The following RNF138 variants were observed in gnomAD, a reference collection of about 807,000 sequenced individuals.
RNF138 encodes ring finger protein 138.
A neutral mutation model predicts 31.0 loss-of-function variants in RNF138; 12 were observed. The ratio of observed to expected loss-of-function variants is 0.39; its 90% CI spans 0.25 to 0.63. The LOEUF is 0.63. Among genes scored for constraint, RNF138 ranks in the 20% least tolerant of loss-of-function variants. The pLI, the probability that RNF138 is intolerant of heterozygous loss-of-function variation, is 0.52. For synonymous variants in RNF138, 105 were observed against 99.5 expected (o/e 1.06, Z -0.33); for missense variants, 192 against 300.1 (o/e 0.64, Z 2.66).
chr18:32,127,346 G>A (rs912735962), intron 7 of RNF138, among the ~76,000 whole-genome samples: 1 of 152,142 alleles, frequency 6.6e-6, no homozygotes, highest in Non-Finnish European at 1.5e-5. Context: ...ACTTCTAAAT[G>A]TGTGATATAC....
rs2040434756 is a variant in RNF138 at position 32,129,259 on chromosome 18, G to A, written c.*72G>A. 13 of 974,522 alleles carry A rather than the reference G, an allele frequency of 1.3e-5. No homozygotes were observed. The highest frequency in any genetic ancestry group is 1.0e-4 in the South Asian group (8 of 77,168). The allele number at this position is 974,522 out of a possible 1,614,324, so 60.4% of individuals were successfully genotyped here. On this transcript the variant is annotated 3_prime_UTR_variant, in exon 8 of 8. Transcript: ENST00000261593. Reference sequence around the variant, plus strand: ...AAGGGGGAAACTACATGAAGTCACCGTTACAGTAACTTGATGTGTATATTA... The same window carrying A: ...AAGGGGGAAACTACATGAAGTCACCATTACAGTAACTTGATGTGTATATTA...
chr18:32,106,074 A>G (rs747340018), intron 2 of RNF138, among the ~76,000 whole-genome samples: 19 of 152,302 alleles, frequency 1.2e-4, no homozygotes, highest in Admixed American at 3.3e-4. Flanking sequence ...ATTTATTTCC[A>G]TAATTTAACA....
chr18:32,097,234 A>G (rs1412530540), intron 2 of RNF138, among the ~76,000 whole-genome samples: 1 of 152,210 alleles, frequency 6.6e-6, no homozygotes, highest in Non-Finnish European at 1.5e-5. Flanking sequence ...ATTCTTGTAC[A>G]TGGCAGAAGT....
chr18:32,116,591 A>T (rs1434860470), intron 4 of RNF138, among the ~76,000 whole-genome samples: 1 of 149,884 alleles, frequency 6.7e-6, no homozygotes, highest in Non-Finnish European at 1.5e-5. Context: ...TTGCTCTGTC[A>T]TCCAGCCTGG....
intron 4 of RNF138, among the ~76,000 whole-genome samples, chr18:32,115,148 G>C (rs16962701): frequency 0.17 from 25,730 of 151,984 alleles, 2,281 homozygotes; most frequent in South Asian, 0.2. Context: ...TTGTCTTGTT[G>C]AGCATATCTC....
At position 32,092,729 on chromosome 18, in the gene RNF138, C is replaced by G; in HGVS notation, c.-48C>G. The G allele has an allele frequency of 7.7e-7, 1 of 1,300,400 alleles. No homozygotes were observed. Among genetic ancestry groups the G allele is most frequent in the South Asian group, 1.3e-5 (1 of 78,330 alleles). 80.6% of individuals were successfully genotyped at this position (1,300,400 alleles called of 1,614,324 possible). On this transcript the variant is annotated 5_prime_UTR_variant, in exon 2 of 8. Coordinates refer to ENST00000261593, the MANE Select transcript of RNF138 (RefSeq NM_016271.5). ...TCGGGCCCCGGGCCGCCACCGTCAC[C>G]TCGGCCGCTGCCGCTGTCGCCATCG...
chr18:32,117,207 A>G (rs1237725223), intron 4 of RNF138, among the ~76,000 whole-genome samples: 1 of 147,772 alleles, frequency 6.8e-6, no homozygotes, highest in Admixed American at 6.8e-5. Flanking sequence ...CCAGCCAGAA[A>G]TTTTTTTTTT....
chr18:32,095,582 C>G (rs896542445), intron 2 of RNF138, among the ~76,000 whole-genome samples: 1 of 152,068 alleles, frequency 6.6e-6, no homozygotes, highest in African/African-American at 2.4e-5. Flanking sequence ...ATTTTTGATT[C>G]ACGAATAGAG....
intron 4 of RNF138, among the ~76,000 whole-genome samples, chr18:32,118,559 A>C (rs2040252819): frequency 6.6e-6 from 1 of 151,884 alleles, no homozygotes; most frequent in South Asian, 2.1e-4. Flanking sequence ...TGCCGGGCGC[A>C]GTGGCTCACG....
At chr18:32,125,115 G>C in intron 6 of RNF138, 1 of 288,756 alleles carries the variant, frequency 3.5e-6, no homozygotes. Flanking sequence ...GATGAACCGG[G>C]AACTCATTCC....
intron 2 of RNF138, among the ~76,000 whole-genome samples, chr18:32,094,479 G>C (rs1354928967): frequency 6.6e-6 from 1 of 152,148 alleles, no homozygotes; most frequent in African/African-American, 2.4e-5. Flanking sequence ...AACAAATGCA[G>C]ATTCTTAGGG....
chr18:32,096,312 G>A (rs186487948), intron 2 of RNF138, among the ~76,000 whole-genome samples: 8 of 152,276 alleles, frequency 5.3e-5, no homozygotes, highest in African/African-American at 1.7e-4. Flanking sequence ...TCATTGATGT[G>A]TCAGGGAGAG....
chr18:32,099,959 A>G (rs593234), intron 2 of RNF138, among the ~76,000 whole-genome samples: 123,825 of 152,232 alleles, frequency 0.81, 51,001 homozygotes, highest in African/African-American at 0.95. Context: ...CACAAGAATA[A>G]TTGCAGCTCT....
chr18:32,093,750 T>A (rs1173661410), intron 2 of RNF138, among the ~76,000 whole-genome samples: 1 of 152,166 alleles, frequency 6.6e-6, no homozygotes, highest in Non-Finnish European at 1.5e-5. Flanking sequence ...ACAAGAACTT[T>A]GATAAAATTT....
intron 2 of RNF138, among the ~76,000 whole-genome samples, chr18:32,098,101 C>G (rs539350932): frequency 6.6e-6 from 1 of 152,190 alleles, no homozygotes; most frequent in Non-Finnish European, 1.5e-5. Flanking sequence ...ATTCTACTCC[C>G]TCAGCCTCCC....
At chr18:32,121,452 G>A (rs993290527) in intron 4 of RNF138, among the ~76,000 whole-genome samples, 15 of 152,158 alleles carry the variant, frequency 9.9e-5, no homozygotes, top group African/African-American at 3.1e-4. Context: ...CCGCGGTCGC[G>A]CCACTGCATT....
intron 2 of RNF138, among the ~76,000 whole-genome samples, chr18:32,097,612 T>C (rs1280173879): frequency 1.3e-5 from 2 of 151,998 alleles, no homozygotes; most frequent in East Asian, 3.9e-4. Flanking sequence ...TCCTCCTGAG[T>C]AGCTGGGACT....
intron 2 of RNF138, among the ~76,000 whole-genome samples, chr18:32,107,194 C>T (rs2040047193): frequency 7.0e-6 from 1 of 143,322 alleles, no homozygotes; most frequent in African/African-American, 2.6e-5. Context: ...GATCTCGGCT[C>T]CCTGCAACCT....
chr18:32,121,655 G>A (rs1473076042), intron 4 of RNF138, among the ~76,000 whole-genome samples: 2 of 152,050 alleles, frequency 1.3e-5, no homozygotes, highest in Non-Finnish European at 2.9e-5. Context: ...ATATTAATTT[G>A]GAAGATTTTT....
Sources: allele counts gnomAD v4.1 joint callset (sites outside exome capture counted in the v4.1 genomes callset), GRCh38; gene constraint gnomAD v4.1.1; transcripts MANE v1.5; gene names NCBI Gene and HGNC (gene_info 2026-07-23, HGNC 2026-07-21).